Variants in SLC41A3 observed in about 807,000 individuals in gnomAD.
SLC41A3 encodes the protein SLC41A1-like 2.
SLC41A3 carries 44 observed loss-of-function variants against 45.4 expected under a neutral mutation model. That is an observed-to-expected ratio of 0.97 (90% CI 0.76 to 1.25). SLC41A3 has a LOEUF of 1.25. SLC41A3 is among the 50% of genes most tolerant of loss of function. The pLI is 0.00. For synonymous variants in SLC41A3, 256 were observed against 252.4 expected (o/e 1.01, Z -0.13); for missense variants, 550 against 600.6 (o/e 0.92, Z 0.88).
At chr3:126,031,535 C>G (rs1041678782) in intron 4 of SLC41A3, among the ~76,000 whole-genome samples, 2 of 152,154 alleles carry the variant, frequency 1.3e-5, no homozygotes, top group Non-Finnish European at 2.9e-5. Context: ...CACATTTATA[C>G]GACAGAATAT....
At position 126,068,025 on chromosome 3, in the gene SLC41A3, T is replaced by C. The variant is rs1162520804; in HGVS notation, c.195A>G (p.Ile65Met). 1 of 1,613,896 alleles carries C rather than the reference T, an allele frequency of 6.2e-7. No homozygotes were observed. Among genetic ancestry groups the C allele is most frequent in the Non-Finnish European group, 8.5e-7 (1 of 1,179,962 alleles). Residue 65 changes from isoleucine to methionine, a missense_variant, in exon 2 of 11, where the codon ATA (isoleucine) becomes ATG (methionine). Coordinates refer to ENST00000360370, the MANE Select transcript of SLC41A3 (RefSeq NM_017836.4). ...TGAAGGGCACGGTCACCTGAAGGCC[T>C]ATGGACCAGGTGGTCTCCCTGCTAG... Reference protein sequence around the residue: ...TEPSRETTWSIGLQVTVPFMF... With the variant: ...TEPSRETTWSMGLQVTVPFMF...
At chr3:126,064,211 G>A (rs891649184) in intron 2 of SLC41A3, among the ~76,000 whole-genome samples, 3 of 152,040 alleles carry the variant, frequency 2.0e-5, no homozygotes, top group East Asian at 1.9e-4. Flanking sequence ...TAATGTGAGC[G>A]GCGCGTTCCC....
At chr3:126,022,253 CAA>C (rs1940951897) in intron 6 of SLC41A3, among the ~76,000 whole-genome samples, 1 of 152,340 alleles carries the variant, frequency 6.6e-6, no homozygotes, top group Admixed American at 6.5e-5. Context: ...CCGCTGGTAA[CAA>C]TATTATCTGG....
At chr3:126,053,904 T>C (rs1943498836) in intron 2 of SLC41A3, among the ~76,000 whole-genome samples, 1 of 151,992 alleles carries the variant, frequency 6.6e-6, no homozygotes, top group South Asian at 2.1e-4. Context: ...GACATTCAAG[T>C]CATCACAACT....
At chr3:126,080,714 G>A (rs1181828819) in intron 1 of SLC41A3, among the ~76,000 whole-genome samples, 1 of 152,222 alleles carries the variant, frequency 6.6e-6, no homozygotes, top group African/African-American at 2.4e-5. Flanking sequence ...ACTTTGGGAG[G>A]CCAAGGTGGG....
intron 6 of SLC41A3, among the ~76,000 whole-genome samples, chr3:126,018,765 AC>A (rs1261778876): frequency 6.6e-5 from 10 of 152,068 alleles, no homozygotes; most frequent in African/African-American, 2.4e-4. Flanking sequence ...GCCCCACTCA[AC>A]CTCCTAGTAC....
At chr3:126,079,283 C>CGG (rs1945036962) in intron 1 of SLC41A3, among the ~76,000 whole-genome samples, 3 of 66,002 alleles carry the variant, frequency 4.5e-5, no homozygotes, top group African/African-American at 1.9e-4. Flanking sequence ...GTAAGGGACA[C>CGG]ACACACACAC....
At chr3:126,058,547 C>T (rs897159612) in intron 2 of SLC41A3, among the ~76,000 whole-genome samples, 2 of 152,196 alleles carry the variant, frequency 1.3e-5, no homozygotes, top group Non-Finnish European at 2.9e-5. Flanking sequence ...TGCCTGTCCC[C>T]ACACCTCTCC....
intron 2 of SLC41A3, among the ~76,000 whole-genome samples, chr3:126,051,412 C>A (rs1047639986): frequency 6.6e-6 from 1 of 150,834 alleles, no homozygotes; most frequent in Non-Finnish European, 1.5e-5. Flanking sequence ...GAAACACCCA[C>A]AAGACGGCCA....
intron 1 of SLC41A3, among the ~76,000 whole-genome samples, chr3:126,097,501 G>A (rs1046693430): frequency 6.6e-6 from 1 of 152,148 alleles, no homozygotes; most frequent in Non-Finnish European, 1.5e-5. Context: ...CCCCGCTCAT[G>A]CCTAACTATC....
upstream of SLC41A3, among the ~76,000 whole-genome samples, chr3:126,086,398 T>C (rs1945388610): frequency 7.4e-6 from 1 of 135,852 alleles, no homozygotes; most frequent in Non-Finnish European, 1.5e-5. Flanking sequence ...TTCTTTTTCT[T>C]TGTTTTCTTG....
intron 2 of SLC41A3, among the ~76,000 whole-genome samples, chr3:126,055,228 C>T (rs756630121): frequency 8.5e-5 from 13 of 152,164 alleles, no homozygotes; most frequent in Non-Finnish European, 1.5e-4. Context: ...AAAAGCAAAA[C>T]TGCAGGCCAG....
chr3:126,067,012 T>C (rs369323973), intron 2 of SLC41A3, among the ~76,000 whole-genome samples: 3 of 145,046 alleles, frequency 2.1e-5, no homozygotes, highest in Admixed American at 1.4e-4. Flanking sequence ...CTTAGCTGGA[T>C]TGACAGGCAA....
At chr3:126,076,367 C>A (rs1944879813) in intron 1 of SLC41A3, among the ~76,000 whole-genome samples, 2 of 152,146 alleles carry the variant, frequency 1.3e-5, no homozygotes, top group South Asian at 4.1e-4. Flanking sequence ...GGGTAATATT[C>A]AATTACATGG....
At chr3:126,087,120 C>T (rs2108124301), upstream of SLC41A3, among the ~76,000 whole-genome samples, 1 of 152,246 alleles carries the variant, frequency 6.6e-6, no homozygotes, top group African/African-American at 2.4e-5. Flanking sequence ...GGTTATAAAA[C>T]TATAAAACCC....
intron 2 of SLC41A3, among the ~76,000 whole-genome samples, chr3:126,063,689 C>T (rs1363156770): frequency 6.6e-6 from 1 of 152,202 alleles, no homozygotes; most frequent in East Asian, 1.9e-4. Flanking sequence ...CACACAAGGC[C>T]TCAGCCAGTC....
chr3:126,064,757 G>A (rs4286389), intron 2 of SLC41A3, among the ~76,000 whole-genome samples: 99,713 of 152,086 alleles, frequency 0.66, 32,942 homozygotes, highest in Middle Eastern at 0.72. Flanking sequence ...CGTTCTTCCC[G>A]GCACATGCAC....
chr3:126,024,623 TG>T (rs1274372687), intron 5 of SLC41A3: 3 of 152,326 alleles, frequency 2.0e-5, no homozygotes, highest in Admixed American at 2.0e-4. Context: ...ATAGCCCACA[TG>T]GGTAACCCAC....
chr3:126,063,949 A>ACACCCCCCC (rs1944206566), intron 2 of SLC41A3, among the ~76,000 whole-genome samples: 1 of 101,994 alleles, frequency 9.8e-6, no homozygotes, highest in Non-Finnish European at 2.1e-5. Flanking sequence ...GCCAGATCCA[A>ACACCCCCCC]CCCCCCCCCG....
Sources: gnomAD v4.1 joint callset for allele counts (sites outside exome capture counted in the v4.1 genomes callset) on GRCh38, gnomAD v4.1.1 for gene constraint, MANE v1.5 for transcripts, NCBI Gene and HGNC (gene_info 2026-07-23, HGNC 2026-07-21) for gene names.